The following CNTN5 variants were observed in gnomAD, a reference collection of about 807,000 sequenced individuals.
CNTN5 encodes contactin-5.
Under a neutral mutation model 129.1 loss-of-function variants are expected in CNTN5, and 77 were observed. That is an observed-to-expected ratio of 0.60 (90% CI 0.50 to 0.72). The LOEUF (loss-of-function observed/expected upper bound fraction) is 0.72, where lower values mean the gene tolerates loss of function less well. Among genes scored for constraint, CNTN5 ranks in the 30% least tolerant of loss-of-function variants. The pLI, the probability that CNTN5 is intolerant of heterozygous loss-of-function variation, is 0.00. For missense variants in CNTN5, 1,478 were observed against 1,328.8 expected, an observed-to-expected ratio of 1.11 and a Z score of -1.75; for synonymous variants, 509 against 465.6, an observed-to-expected ratio of 1.09 and a Z score of -1.20.
intron 8 of CNTN5, among the ~76,000 whole-genome samples, chr11:99,969,089 C>T (rs1018084653): frequency 9.2e-5 from 14 of 151,960 alleles, no homozygotes; most frequent in African/African-American, 3.4e-4. Context: ...CCAATTTCTT[C>T]CTAAGCATAC....
intron 13 of CNTN5, among the ~76,000 whole-genome samples, chr11:100,103,003 A>T (rs532871049): frequency 1.3e-4 from 20 of 152,266 alleles, no homozygotes; most frequent in African/African-American, 4.6e-4. Flanking sequence ...ACCTTTCTAG[A>T]TGTCCGTGAC....
At chr11:100,332,524 CAT>C (rs1951926004) in intron 21 of CNTN5, among the ~76,000 whole-genome samples, 2 of 152,046 alleles carry the variant, frequency 1.3e-5, no homozygotes, top group South Asian at 4.1e-4. Context: ...CAGGAAATGA[CAT>C]AACAAAAATA....
At chr11:99,459,240 G>A (rs1219660728) in intron 2 of CNTN5, among the ~76,000 whole-genome samples, 2 of 151,824 alleles carry the variant, frequency 1.3e-5, no homozygotes, top group African/African-American at 2.4e-5. Flanking sequence ...TTAAGTTTGA[G>A]GACTATGAAG....
At chr11:99,973,248 CTG>C (rs1232343370) in intron 8 of CNTN5, among the ~76,000 whole-genome samples, 1 of 152,140 alleles carries the variant, frequency 6.6e-6, no homozygotes, top group Non-Finnish European at 1.5e-5. Context: ...CAATTAGTAA[CTG>C]TGGCTCTCTG....
intron 18 of CNTN5, among the ~76,000 whole-genome samples, chr11:100,293,592 G>A (rs145923981): frequency 1.3e-5 from 2 of 151,590 alleles, no homozygotes; most frequent in African/African-American, 4.8e-5. Flanking sequence ...CGGGTACTGT[G>A]ATGAATAATC....
chr11:99,897,155 TTATG>T (rs533586658), intron 6 of CNTN5, among the ~76,000 whole-genome samples: 118 of 152,030 alleles, frequency 7.8e-4, no homozygotes, highest in African/African-American at 2.8e-3. Context: ...AAATAAGAGA[TTATG>T]TAATGTAACT....
chr11:100,232,160 C>CA (rs1317607562), intron 16 of CNTN5, among the ~76,000 whole-genome samples: 4 of 151,444 alleles, frequency 2.6e-5, no homozygotes, highest in Non-Finnish European at 5.9e-5. Flanking sequence ...TCAAAAAAAA[C>CA]AAAAAACAAA....
intron 21 of CNTN5, chr11:100,309,309 CA>C: frequency 1.0e-6 from 1 of 983,828 alleles, no homozygotes; most frequent in Non-Finnish European, 1.2e-6. Context: ...TGTATACTAA[CA>C]TGGTTTCCAG....
At chr11:99,035,135 T>G (rs1022474482) in intron 1 of CNTN5, among the ~76,000 whole-genome samples, 3 of 151,300 alleles carry the variant, frequency 2.0e-5, no homozygotes, top group East Asian at 2.0e-4. Flanking sequence ...GTCTGAGAGA[T>G]AGTTTGTTAT....
At chr11:99,125,515 C>T (rs1312039965) in intron 1 of CNTN5, among the ~76,000 whole-genome samples, 1 of 152,088 alleles carries the variant, frequency 6.6e-6, no homozygotes, top group Admixed American at 6.6e-5. Context: ...TGGGTAAAAG[C>T]TGGAAGCATT....
At chr11:99,994,548 A>G (rs1315811788) in intron 8 of CNTN5, among the ~76,000 whole-genome samples, 2 of 152,214 alleles carry the variant, frequency 1.3e-5, no homozygotes, top group South Asian at 2.1e-4. Flanking sequence ...GACACTGAGT[A>G]AATGCCAGCA....
At chr11:99,800,800 C>A (rs144377368) in intron 3 of CNTN5, among the ~76,000 whole-genome samples, 2 of 152,010 alleles carry the variant, frequency 1.3e-5, no homozygotes, top group African/African-American at 4.8e-5. Flanking sequence ...TTACACTGAA[C>A]CTGTGGGTGT....
At chr11:99,734,362 G>A (rs77105751) in intron 3 of CNTN5, among the ~76,000 whole-genome samples, 2,307 of 152,052 alleles carry the variant, frequency 0.015, 61 homozygotes, top group African/African-American at 0.052. Context: ...GTAAGCATTA[G>A]CAATCCTATC....
intron 1 of CNTN5, among the ~76,000 whole-genome samples, chr11:99,166,053 T>C (rs10790499): frequency 0.67 from 102,492 of 151,994 alleles, 34,936 homozygotes; most frequent in East Asian, 0.94. Context: ...TCTGAATCAA[T>C]CTGAAAAATG....
chr11:99,036,594 G>A (rs911232942), intron 1 of CNTN5, among the ~76,000 whole-genome samples: 10 of 152,144 alleles, frequency 6.6e-5, no homozygotes, highest in African/African-American at 2.2e-4. Context: ...GGATCTTGAA[G>A]TAGTATTGCT....
At chr11:99,915,873 T>G (rs542537490) in intron 6 of CNTN5, among the ~76,000 whole-genome samples, 181 bp from the exon 7 acceptor site, 3 of 152,314 alleles carry the variant, frequency 2.0e-5, no homozygotes, top group Admixed American at 1.3e-4. Context: ...GGTATAGATT[T>G]ATTTCCATTG....
intron 3 of CNTN5, among the ~76,000 whole-genome samples, chr11:99,796,431 A>T (rs1945942848): frequency 6.6e-6 from 1 of 152,064 alleles, no homozygotes; most frequent in Admixed American, 6.6e-5. Context: ...ATGCTGGCAA[A>T]GTTGCACAGG....
rs10671165 is a variant in CNTN5 at position 99,380,081 on chromosome 11, CTG to C, written c.-71+54621_-71+54622del. On this transcript the variant is annotated intron_variant, in intron 2 of 24. Coordinates refer to ENST00000524871, the MANE Select transcript of CNTN5 (RefSeq NM_014361.4). ...CAATGGTGGTCTCATAATGGTGTGT[CTG>C]TGTGTGTGTGTGTGTGTGTGTGTAT... Among the ~76,000 whole-genome samples the C allele has an allele frequency of 2.0e-3, 300 of 148,096 alleles. 1 individual carries two copies. Among genetic ancestry groups the C allele is most frequent in the African/African-American group, 3.1e-3 (125 of 40,278 alleles).
intron 1 of CNTN5, among the ~76,000 whole-genome samples, chr11:99,057,014 A>T (rs1864650624): frequency 6.6e-6 from 1 of 151,988 alleles, no homozygotes; most frequent in Non-Finnish European, 1.5e-5. Flanking sequence ...TAAATTATGG[A>T]CACTACCTGT....
Sources: gnomAD v4.1 joint callset for allele counts (sites outside exome capture counted in the v4.1 genomes callset) on GRCh38, gnomAD v4.1.1 for gene constraint, MANE v1.5 for transcripts, NCBI Gene and HGNC (gene_info 2026-07-23, HGNC 2026-07-21) for gene names.